The following VPS35L variants were observed in gnomAD, a reference collection of about 807,000 sequenced individuals.
VPS35L encodes the protein VPS35 endosomal protein sorting factor like.
A neutral mutation model predicts 133.0 loss-of-function variants in VPS35L; 83 were observed. The ratio of observed to expected loss-of-function variants is 0.62; its 90% CI spans 0.52 to 0.75. VPS35L has a LOEUF of 0.75. Among genes scored for constraint, VPS35L ranks in the 30% least tolerant of loss-of-function variants. VPS35L has a pLI of 0.00. For missense variants in VPS35L, 1,083 were observed against 1,206.8 expected (o/e 0.90, Z 1.52); for synonymous variants, 423 against 449.9 (o/e 0.94, Z 0.76).
chr16:19,656,258 T>C (rs1248013134), intron 26 of VPS35L, among the ~76,000 whole-genome samples: 56 of 123,874 alleles, frequency 4.5e-4, no homozygotes, highest in Middle Eastern at 3.9e-3. Flanking sequence ...AGCGAGACTC[T>C]GTCTCAAAAA....
intron 26 of VPS35L, among the ~76,000 whole-genome samples, chr16:19,661,604 A>G (rs1974487591): frequency 6.6e-6 from 1 of 152,188 alleles, no homozygotes; most frequent in Non-Finnish European, 1.5e-5. Flanking sequence ...AACCCTTGCA[A>G]GTGGACTGAC....
intron 12 of VPS35L, among the ~76,000 whole-genome samples, chr16:19,613,925 C>T (rs1972806490): frequency 6.6e-6 from 1 of 152,118 alleles, no homozygotes; most frequent in South Asian, 2.1e-4. Flanking sequence ...TGAGCAATAC[C>T]CTTGCTGCTC....
rs967882809 is a variant in VPS35L, at chr16:19,672,844, A to G, written c.2361+3545A>G. 3.3e-5 allele frequency among the ~76,000 whole-genome samples: 5 copies of G among 152,358 alleles called. No individual in the cohort carries two copies. In the South Asian group the frequency reaches 6.2e-4, roughly 19 times the overall value. On this transcript the variant is annotated intron_variant, in intron 27 of 30. Transcript: ENST00000417362. The stretch of plus-strand genomic sequence containing the variant: ...AGGGTTTTGAATTAAGCAGTTGGTA[A>G]AAGTGAGAAGGCAAAAGAAAAAAAT...
chr16:19,681,343 TG>T (rs1377403766), intron 27 of VPS35L, among the ~76,000 whole-genome samples: 5 of 152,248 alleles, frequency 3.3e-5, no homozygotes, highest in Non-Finnish European at 7.3e-5. Flanking sequence ...GACTACATCT[TG>T]GGCTAGATGG....
At chr16:19,557,162 G>A (rs1490838035) in intron 1 of VPS35L, among the ~76,000 whole-genome samples, 1 of 152,026 alleles carries the variant, frequency 6.6e-6, no homozygotes, top group African/African-American at 2.4e-5. Flanking sequence ...AAAAAGTCAT[G>A]CTGGCTTGAC....
intron 8 of VPS35L, among the ~76,000 whole-genome samples, chr16:19,592,852 G>A (rs1972088388): frequency 6.6e-6 from 1 of 151,860 alleles, no homozygotes; most frequent in Admixed American, 6.6e-5. Context: ...CGCCTAGCTA[G>A]TTTTTGTATT....
chr16:19,641,160 G>T (rs1353382598), intron 21 of VPS35L, among the ~76,000 whole-genome samples: 3 of 152,094 alleles, frequency 2.0e-5, no homozygotes, highest in African/African-American at 7.2e-5. Context: ...CACCTCCTGG[G>T]TTCAAGCAAT....
intron 3 of VPS35L, among the ~76,000 whole-genome samples, chr16:19,571,772 T>TA (rs1971392828): frequency 6.6e-6 from 1 of 151,832 alleles, no homozygotes; most frequent in East Asian, 1.9e-4. Flanking sequence ...CTCGAACTCC[T>TA]AACCTCAGGT....
intron 8 of VPS35L, among the ~76,000 whole-genome samples, chr16:19,594,442 G>T (rs181275477): frequency 6.6e-6 from 1 of 151,894 alleles, no homozygotes; most frequent in African/African-American, 2.4e-5. Context: ...TCAGGAGTGC[G>T]AGACCAGACT....
chr16:19,679,947 C>T (rs1975209992), intron 27 of VPS35L, among the ~76,000 whole-genome samples: 1 of 152,356 alleles, frequency 6.6e-6, no homozygotes, highest in Non-Finnish European at 1.5e-5. Flanking sequence ...GCTGCTCATA[C>T]TCCACACTTG....
intron 26 of VPS35L, among the ~76,000 whole-genome samples, chr16:19,667,668 A>C (rs1305953672): frequency 6.7e-6 from 1 of 149,820 alleles, no homozygotes; most frequent in East Asian, 2.0e-4. Flanking sequence ...CAGGAGGCAG[A>C]GGCTGCAGTG....
intron 27 of VPS35L, among the ~76,000 whole-genome samples, chr16:19,680,939 A>G (rs1320520066): frequency 7.3e-6 from 1 of 136,944 alleles, no homozygotes; most frequent in African/African-American, 2.7e-5. Context: ...AAACAGGATG[A>G]TTTGTGATGA....
chr16:19,581,629 G>C lies in VPS35L; in HGVS notation c.615G>C (p.Val205=), dbSNP rs1207845004. The stretch of plus-strand genomic sequence containing the variant: ...ATGCCTGGGCCTCAGACCAGAAAGT[G>C]AAGGCTCTAAAAATAGTCATCCAGG... ...LKDAWASDQK[V]KALKIVIQCS... is the part of the protein sequence containing the mutation. The change falls in exon 7 of 31, where the codon GTG becomes GTC. Residue 205 remains valine, a synonymous_variant. Transcript: ENST00000417362. 2 of 1,614,082 alleles carry C rather than the reference G, an allele frequency of 1.2e-6. No homozygotes were observed. The highest frequency in any genetic ancestry group is 1.7e-6 in the Non-Finnish European group (2 of 1,180,016).
At chr16:19,623,097 C>G in intron 14 of VPS35L, among the ~76,000 whole-genome samples, 1 of 152,038 alleles carries the variant, frequency 6.6e-6, no homozygotes, top group East Asian at 1.9e-4. Context: ...CAAATCCCCC[C>G]GAAGACTTCC....
At chr16:19,589,655 A>G (rs1971979043) in intron 7 of VPS35L, among the ~76,000 whole-genome samples, 1 of 152,266 alleles carries the variant, frequency 6.6e-6, no homozygotes, top group South Asian at 2.1e-4. Flanking sequence ...GTAATTTAAA[A>G]AGTAACTTCA....
intron 29 of VPS35L, chr16:19,694,480 TTTC>T (rs1013916192): frequency 1.3e-5 from 2 of 152,038 alleles, no homozygotes; most frequent in Non-Finnish European, 2.9e-5. Flanking sequence ...TTTCCCCTGA[TTTC>T]TTTTCTTTTT....
intron 26 of VPS35L, among the ~76,000 whole-genome samples, chr16:19,667,275 C>CTAGTA (rs1052176634): frequency 1.5e-4 from 23 of 152,126 alleles, no homozygotes; most frequent in African/African-American, 5.1e-4. Flanking sequence ...CCATGTCTTA[C>CTAGTA]TAGTGGTCAC....
intron 28 of VPS35L, among the ~76,000 whole-genome samples, chr16:19,689,599 AC>A (rs1005819167): frequency 6.6e-5 from 10 of 152,000 alleles, no homozygotes; most frequent in African/African-American, 2.4e-4. Flanking sequence ...AGTTTCAGTT[AC>A]CCCACAGTCA....
At chr16:19,589,726 C>A (rs1971980866) in intron 7 of VPS35L, among the ~76,000 whole-genome samples, 1 of 152,116 alleles carries the variant, frequency 6.6e-6, no homozygotes, top group Admixed American at 6.6e-5. Context: ...TCCTGTTGTC[C>A]TTTATAAAAT....
Sources: gnomAD v4.1 joint callset for allele counts (sites outside exome capture counted in the v4.1 genomes callset) on GRCh38, gnomAD v4.1.1 for gene constraint, MANE v1.5 for transcripts, NCBI Gene and HGNC (gene_info 2026-07-23, HGNC 2026-07-21) for gene names.